Variants in SRBD1 observed in about 807,000 individuals in gnomAD.
The protein encoded by SRBD1 is S1 RNA binding domain 1.
Under a neutral mutation model 115.3 loss-of-function variants are expected in SRBD1, and 88 were observed. The ratio of observed to expected loss-of-function variants is 0.76; its 90% CI spans 0.64 to 0.91. The LOEUF (loss-of-function observed/expected upper bound fraction) is 0.91. Among genes scored for constraint, SRBD1 ranks in the 40% least tolerant of loss-of-function variants. SRBD1 has a pLI of 0.00. For synonymous variants in SRBD1, 509 were observed against 407.7 expected, an observed-to-expected ratio of 1.25 and a Z score of -2.99; for missense variants, 1,385 against 1,177.4, an observed-to-expected ratio of 1.18 and a Z score of -2.58.
intron 14 of SRBD1, among the ~76,000 whole-genome samples, chr2:45,506,977 G>C (rs550829451): frequency 6.6e-6 from 1 of 152,166 alleles, no homozygotes; most frequent in Admixed American, 6.5e-5. Context: ...AGCATCTCAT[G>C]TATCTGTGTT....
rs1558486217 is a variant in SRBD1, at chr2:45,571,519, A to AAAAAAAAAAAAAAAAAAAAC, written c.1305+1687_1305+1688insGTTTTTTTTTTTTTTTTTTT. Reference sequence around the variant, plus strand: ...AATACAACATATCCAGACTTTACCAAAAAAAAAAAAAAAAAAAAAAAAACT... The same window carrying AAAAAAAAAAAAAAAAAAAAC: ...AATACAACATATCCAGACTTTACCAAAAAAAAAAAAAAAAAAAAACAAAAAAAAAAAAAAAAAAAAAAACT... On this transcript the variant is annotated intron_variant, in intron 9 of 20. Coordinates refer to ENST00000263736, the MANE Select transcript of SRBD1 (RefSeq NM_018079.5). Among the ~76,000 whole-genome samples the AAAAAAAAAAAAAAAAAAAAC allele has an allele frequency of 7.4e-4, 54 of 72,910 alleles. 4 individuals carry two copies. Among genetic ancestry groups the AAAAAAAAAAAAAAAAAAAAC allele is most frequent in the African/African-American group, 3.4e-3 (50 of 14,866 alleles). The allele number at this position is 72,910 out of a possible 152,430, so 47.8% of individuals were successfully genotyped here.
At chr2:45,562,538 T>C in intron 10 of SRBD1, 115 bp downstream of exon 10, 1 of 822,020 alleles carries the variant, frequency 1.2e-6, no homozygotes, top group South Asian at 2.7e-5. Context: ...GGCCTGTCAC[T>C]GGCTTTTTAA....
chr2:45,548,703 T>A, intron 12 of SRBD1, among the ~76,000 whole-genome samples: 1 of 131,856 alleles, frequency 7.6e-6, no homozygotes, highest in African/African-American at 3.0e-5. Flanking sequence ...AGCCACATGA[T>A]ATATGAACAG....
At chr2:45,526,484 G>A (rs1262124934) in intron 14 of SRBD1, among the ~76,000 whole-genome samples, 1 of 151,924 alleles carries the variant, frequency 6.6e-6, no homozygotes, top group African/African-American at 2.4e-5. Flanking sequence ...AGAGAAGGGA[G>A]TGAGAGCTAA....
chr2:45,474,580 C>CTAT (rs1669750006), intron 16 of SRBD1, among the ~76,000 whole-genome samples: 1 of 152,168 alleles, frequency 6.6e-6, no homozygotes, highest in South Asian at 2.1e-4. Context: ...CCTAGCTTTG[C>CTAT]TATATGTATC....
chr2:45,596,620 G>A (rs552644060), intron 4 of SRBD1, among the ~76,000 whole-genome samples: 1 of 152,094 alleles, frequency 6.6e-6, no homozygotes, highest in South Asian at 2.1e-4. Context: ...AGGATTTTTT[G>A]ATGGTTAACC....
chr2:45,436,583 C>A (rs901761351), intron 16 of SRBD1, among the ~76,000 whole-genome samples: 1 of 152,144 alleles, frequency 6.6e-6, no homozygotes. Flanking sequence ...GAAGGGGAAG[C>A]AGGCATGACT....
intron 5 of SRBD1, 92 bp downstream of exon 5, chr2:45,585,516 G>C: frequency 7.2e-7 from 1 of 1,381,270 alleles, no homozygotes; most frequent in Admixed American, 2.4e-5. Context: ...ACAAAATGTT[G>C]AAATTGTCAA....
chr2:45,390,087 T>C (rs1666956580), intron 20 of SRBD1, among the ~76,000 whole-genome samples: 1 of 152,198 alleles, frequency 6.6e-6, no homozygotes, highest in Admixed American at 6.5e-5. Context: ...TCAAATGTTC[T>C]TTCTTCCTCA....
At chr2:45,441,665 G>A (rs58397188) in intron 16 of SRBD1, among the ~76,000 whole-genome samples, 14,642 of 152,170 alleles carry the variant, frequency 0.096, 1,062 homozygotes, top group African/African-American at 0.2. Context: ...TTCGGCTTTT[G>A]GATTCTTCTT....
chr2:45,449,275 C>T (rs112519330), intron 16 of SRBD1, among the ~76,000 whole-genome samples: 59 of 152,268 alleles, frequency 3.9e-4, no homozygotes, highest in African/African-American at 1.0e-3. Context: ...CACTGTCAGT[C>T]TGCACACTGA....
intron 4 of SRBD1, among the ~76,000 whole-genome samples, chr2:45,595,261 C>T (rs976331137): frequency 1.3e-5 from 2 of 152,160 alleles, no homozygotes; most frequent in African/African-American, 4.8e-5. Context: ...GAGAAATACA[C>T]CTTGAACGGA....
chr2:45,511,708 A>G (rs943595115), intron 14 of SRBD1, among the ~76,000 whole-genome samples: 3 of 152,188 alleles, frequency 2.0e-5, no homozygotes, highest in African/African-American at 7.2e-5. Flanking sequence ...TTCCTTCTGC[A>G]CTTTTCATAA....
intron 5 of SRBD1, 64 bp downstream of exon 5, chr2:45,585,544 T>G: frequency 4.0e-6 from 6 of 1,511,316 alleles, no homozygotes; most frequent in Non-Finnish European, 5.4e-6. Flanking sequence ...GTCATTCACT[T>G]TCTCACTGTT....
intron 5 of SRBD1, among the ~76,000 whole-genome samples, chr2:45,583,089 T>C (rs1158869039): frequency 6.6e-6 from 1 of 152,134 alleles, no homozygotes; most frequent in Non-Finnish European, 1.5e-5. Context: ...TCCTATTGTA[T>C]TACCTCCTAT....
intron 14 of SRBD1, among the ~76,000 whole-genome samples, chr2:45,493,491 A>G (rs1670360634): frequency 6.6e-6 from 1 of 152,182 alleles, no homozygotes; most frequent in Non-Finnish European, 1.5e-5. Context: ...AAGGATTCTC[A>G]AATGAGCAAT....
chr2:45,544,332 G>C (rs892146220), intron 14 of SRBD1, among the ~76,000 whole-genome samples: 1 of 151,996 alleles, frequency 6.6e-6, no homozygotes, highest in Non-Finnish European at 1.5e-5. Flanking sequence ...CTTAAAAATA[G>C]GAGATACATA....
At chr2:45,582,945 G>C (rs1257983614) in intron 5 of SRBD1, among the ~76,000 whole-genome samples, 1 of 152,086 alleles carries the variant, frequency 6.6e-6, no homozygotes, top group Non-Finnish European at 1.5e-5. Flanking sequence ...TAGAAAAGTT[G>C]ATTCCAGGAA....
intron 14 of SRBD1, among the ~76,000 whole-genome samples, chr2:45,545,813 C>CT (rs1672102314): frequency 6.6e-6 from 1 of 152,218 alleles, no homozygotes; most frequent in Non-Finnish European, 1.5e-5. Context: ...CTGACTGACT[C>CT]TGACTACACT....
Sources: gnomAD v4.1 joint callset for allele counts (sites outside exome capture counted in the v4.1 genomes callset) on GRCh38, gnomAD v4.1.1 for gene constraint, MANE v1.5 for transcripts, NCBI Gene and HGNC (gene_info 2026-07-23, HGNC 2026-07-21) for gene names.